FMN2: variants seen among roughly 807,000 people sequenced by gnomAD.
FMN2 encodes the protein formin-2.
In FMN2, 51 loss-of-function variants were observed where a neutral mutation model predicts 142.3. The ratio of observed to expected loss-of-function variants is 0.36; its 90% CI spans 0.29 to 0.45. The LOEUF is 0.45. Ranked by LOEUF, FMN2 falls within the 20% of genes least tolerant of loss-of-function variation. FMN2 has a pLI of 1.00. For synonymous variants in FMN2, 882 were observed against 869.8 expected (o/e 1.01, Z -0.25); for missense variants, 1,936 against 2,122.8 (o/e 0.91, Z 1.73).
intron 16 of FMN2, among the ~76,000 whole-genome samples, chr1:240,466,308 G>T (rs1436509577): frequency 6.6e-6 from 1 of 152,062 alleles, no homozygotes; most frequent in African/African-American, 2.4e-5. Flanking sequence ...CTAACCAAAT[G>T]AAGCTGTTAC....
At chr1:240,377,316 T>C (rs1673080299) in intron 14 of FMN2, among the ~76,000 whole-genome samples, 1 of 152,134 alleles carries the variant, frequency 6.6e-6, no homozygotes, top group African/African-American at 2.4e-5. Context: ...TAACAGGTTT[T>C]TTTTTTTTCT....
chr1:240,347,187 G>C (rs1671934389), intron 13 of FMN2, among the ~76,000 whole-genome samples: 1 of 152,182 alleles, frequency 6.6e-6, no homozygotes, highest in African/African-American at 2.4e-5. Context: ...CACGTTGAAG[G>C]ATGTTAAATG....
At chr1:240,335,424 G>T (rs1572205553) in intron 13 of FMN2, among the ~76,000 whole-genome samples, 1 of 152,040 alleles carries the variant, frequency 6.6e-6, no homozygotes, top group East Asian at 1.9e-4. Context: ...AGCTAAGAAT[G>T]AATTCTTAAA....
At chr1:240,413,120 C>CAAAGAAAAA (rs1674465610) in intron 15 of FMN2, among the ~76,000 whole-genome samples, 1 of 24,566 alleles carries the variant, frequency 4.1e-5, no homozygotes, top group Non-Finnish European at 7.8e-5. Flanking sequence ...GAGACTCTGT[C>CAAAGAAAAA]AAAAAAAAAA....
At chr1:240,356,680 GTTC>G (rs903832924) in intron 14 of FMN2, among the ~76,000 whole-genome samples, 2 of 152,190 alleles carry the variant, frequency 1.3e-5, no homozygotes, top group African/African-American at 2.4e-5. Flanking sequence ...CTCTGGGAAA[GTTC>G]TTGCTGTTTC....
intron 15 of FMN2, among the ~76,000 whole-genome samples, chr1:240,407,960 G>A (rs1173398417): frequency 6.6e-6 from 1 of 152,194 alleles, no homozygotes. Context: ...AACCCTAGAT[G>A]AGCATGAATA....
At chr1:240,274,276 G>A (rs1238020188) in intron 7 of FMN2, among the ~76,000 whole-genome samples, 2 of 151,888 alleles carry the variant, frequency 1.3e-5, no homozygotes, top group African/African-American at 4.8e-5. Flanking sequence ...AGAGGAGAGG[G>A]AGGAGTCAGG....
intron 2 of FMN2, among the ~76,000 whole-genome samples, chr1:240,152,289 G>T (rs1248348249): frequency 2.0e-5 from 3 of 146,852 alleles, no homozygotes; most frequent in Non-Finnish European, 4.5e-5. Flanking sequence ...GGACCCTTTT[G>T]ATACTCCGAG....
At chr1:240,235,752 A>C (rs918668925) in intron 6 of FMN2, 1 of 152,108 alleles carries the variant, frequency 6.6e-6, no homozygotes, top group African/African-American at 2.4e-5. Flanking sequence ...ATCTTGCATC[A>C]GTGAAGGGCA....
intron 6 of FMN2, among the ~76,000 whole-genome samples, chr1:240,236,768 G>A (rs1288764265): frequency 6.6e-6 from 1 of 152,150 alleles, no homozygotes; most frequent in Non-Finnish European, 1.5e-5. Context: ...ATTCATGAGC[G>A]ATCCTCTCCC....
chr1:240,118,509 G>A (rs199974223), intron 1 of FMN2, among the ~76,000 whole-genome samples: 2 of 152,094 alleles, frequency 1.3e-5, no homozygotes, highest in East Asian at 1.9e-4. Flanking sequence ...CCCCTTCCTC[G>A]TTGTTGCTAA....
intron 6 of FMN2, among the ~76,000 whole-genome samples, chr1:240,249,570 G>A (rs1403471192): frequency 1.3e-5 from 2 of 151,946 alleles, no homozygotes; most frequent in Non-Finnish European, 2.9e-5. Flanking sequence ...TTTTGCTCCG[G>A]ATTGCTTTGT....
intron 2 of FMN2, among the ~76,000 whole-genome samples, chr1:240,152,067 G>A (rs188740783): frequency 3.3e-5 from 5 of 152,094 alleles, no homozygotes; most frequent in Non-Finnish European, 7.4e-5. Flanking sequence ...CACCATGCCC[G>A]GCCTCCAATG....
intron 3 of FMN2, among the ~76,000 whole-genome samples, chr1:240,181,454 A>T (rs1665148043): frequency 6.6e-6 from 1 of 152,166 alleles, no homozygotes; most frequent in Non-Finnish European, 1.5e-5. Flanking sequence ...TCTGTGAAAG[A>T]TGGTGTTTTC....
chr1:240,278,935 G>C (rs939315951), intron 7 of FMN2, among the ~76,000 whole-genome samples: 16 of 152,276 alleles, frequency 1.1e-4, no homozygotes, highest in African/African-American at 3.8e-4. Context: ...TGGGACTATG[G>C]AGAAAGTTCC....
At chr1:240,329,586 C>A in intron 10 of FMN2, 118 bp downstream of exon 10, 2 of 1,317,808 alleles carry the variant, frequency 1.5e-6, no homozygotes, top group Non-Finnish European at 2.1e-6. Context: ...TTTGAAGGAT[C>A]GCAGTCCCAC....
intron 8 of FMN2, among the ~76,000 whole-genome samples, chr1:240,320,871 G>C (rs192452756): frequency 6.6e-6 from 1 of 152,160 alleles, no homozygotes; most frequent in Non-Finnish European, 1.5e-5. Context: ...CAAAAGCAGC[G>C]GTAGGTAAAA....
intron 16 of FMN2, among the ~76,000 whole-genome samples, chr1:240,468,001 T>C (rs1676676351): frequency 6.6e-6 from 1 of 152,196 alleles, no homozygotes; most frequent in Admixed American, 6.5e-5. Context: ...TTCTTTTCAT[T>C]ATCATATGGT....
chr1:240,334,250 C>A (rs907275412), intron 13 of FMN2, 21 bp downstream of exon 13: 1 of 1,568,248 alleles, frequency 6.4e-7, no homozygotes, highest in Admixed American at 2.1e-5. Flanking sequence ...ATCCTGAACT[C>A]ATGTTTTCTG....
Sources: allele counts gnomAD v4.1 joint callset (sites outside exome capture counted in the v4.1 genomes callset), GRCh38; gene constraint gnomAD v4.1.1; transcripts MANE v1.5; gene names NCBI Gene and HGNC (gene_info 2026-07-23, HGNC 2026-07-21).